NMD3: variants seen among roughly 807,000 people sequenced by gnomAD.
The protein encoded by NMD3 is NMD3 ribosome export adaptor, also known as 60S ribosomal export protein NMD3.
In NMD3, 47 loss-of-function variants were observed where a neutral mutation model predicts 73.1. That is an observed-to-expected ratio of 0.64 (90% CI 0.51 to 0.82). The LOEUF is 0.82. Among genes scored for constraint, NMD3 ranks in the 40% least tolerant of loss-of-function variants. The probability of loss-of-function intolerance (pLI) is 0.00; values close to 1 mark genes in which losing one functional copy is unlikely to be tolerated. For synonymous variants in NMD3, 210 were observed against 194.5 expected (o/e 1.08, Z -0.66); for missense variants, 554 against 612.5 (o/e 0.90, Z 1.01).
At chr3:161,221,923 G>T (rs937817180) in intron 1 of NMD3, 71 bp from the exon 2 acceptor site, 16 of 938,738 alleles carry the variant, frequency 1.7e-5, no homozygotes, top group Non-Finnish European at 2.1e-5. Context: ...GTAAAAAGAG[G>T]AGACTAGGTA....
intron 3 of NMD3, 57 bp from the exon 4 acceptor site, chr3:161,227,190 G>T: frequency 7.3e-6 from 8 of 1,089,844 alleles, no homozygotes; most frequent in Non-Finnish European, 1.1e-5. Context: ...TATTCAGATG[G>T]AAATTTCTGT....
intron 7 of NMD3, among the ~76,000 whole-genome samples, chr3:161,236,117 G>A (rs911643485): frequency 2.0e-5 from 3 of 151,616 alleles, no homozygotes; most frequent in Non-Finnish European, 2.9e-5. Flanking sequence ...ACTATAATGG[G>A]TCTGTAGCTG....
intron 7 of NMD3, among the ~76,000 whole-genome samples, chr3:161,236,630 A>C (rs1736766574): frequency 6.6e-6 from 1 of 152,114 alleles, no homozygotes; most frequent in Non-Finnish European, 1.5e-5. Flanking sequence ...TTATGCTTAA[A>C]AACTGTTTGT....
At chr3:161,232,091 G>T (rs1160483833) in intron 4 of NMD3, among the ~76,000 whole-genome samples, 1 of 151,400 alleles carries the variant, frequency 6.6e-6, no homozygotes, top group Non-Finnish European at 1.5e-5. Context: ...GCAGGTGGAG[G>T]TTGGAGCTTG....
rs552786187 is a variant in NMD3, at chr3:161,237,166, CT to C, written c.578-944del. 1.0e-2 allele frequency among the ~76,000 whole-genome samples: 1,519 copies of C among 152,170 alleles called. 30 individuals are homozygous for C. The highest frequency in any genetic ancestry group is 0.034 in the African/African-American group (1,425 of 41,528). ...CTGTTTTATGATGAGATAATGTTGTCTTTAGTAATTTCTACTGTTTAGGATT... is the reference window on the plus strand; with the variant it reads ...CTGTTTTATGATGAGATAATGTTGTCTTAGTAATTTCTACTGTTTAGGATT... On this transcript the variant is annotated intron_variant, in intron 7 of 15. Transcript: ENST00000351193.
chr3:161,228,341 A>C (rs1736404161), intron 4 of NMD3, among the ~76,000 whole-genome samples: 8 of 151,256 alleles, frequency 5.3e-5, no homozygotes. Flanking sequence ...CTGGCATAAA[A>C]CTTTGTCTTT....
chr3:161,245,433 G>A (rs987848535), intron 11 of NMD3, among the ~76,000 whole-genome samples: 2 of 151,884 alleles, frequency 1.3e-5, no homozygotes, highest in South Asian at 2.1e-4. Context: ...AGTAAATCCT[G>A]TTAAATAAAA....
At chr3:161,236,940 A>C (rs1471670213) in intron 7 of NMD3, among the ~76,000 whole-genome samples, 1 of 152,140 alleles carries the variant, frequency 6.6e-6, no homozygotes, top group African/African-American at 2.4e-5. Context: ...GTACCATGCT[A>C]TCTTGCATAC....
At position 161,225,021 on chromosome 3, in the gene NMD3, A is replaced by G. The variant is rs1038610293; in HGVS notation, c.136A>G (p.Ile46Val). Residue 46 changes from isoleucine to valine, a missense_variant, in exon 3 of 16, where the codon ATT becomes GTT. Transcript: ENST00000351193. ...AAGTAAAGTGGACATCAGCCAAGGT[A>G]TTCCGAAACAAGTCTCGATTTCGTT... ...LRSKVDISQG[I>V]PKQVSISFCK... 1.9e-6 allele frequency: 3 copies of G among 1,614,020 alleles called. No homozygotes were observed. The highest frequency in any genetic ancestry group is 2.7e-5 in the African/African-American group (2 of 74,922).
intron 5 of NMD3, among the ~76,000 whole-genome samples, chr3:161,234,214 A>G (rs1486400280): frequency 1.3e-5 from 2 of 151,998 alleles, no homozygotes; most frequent in Non-Finnish European, 2.9e-5. Flanking sequence ...CTGTGATCCC[A>G]GCACTTTGGG....
At chr3:161,242,117 A>G (rs1358858199) in intron 10 of NMD3, among the ~76,000 whole-genome samples, 1 of 152,108 alleles carries the variant, frequency 6.6e-6, no homozygotes, top group Admixed American at 6.5e-5. Flanking sequence ...ATTGGGATGG[A>G]CATTCTTTAC....
chr3:161,245,164 G>A (rs914450011), intron 11 of NMD3, among the ~76,000 whole-genome samples: 9 of 151,816 alleles, frequency 5.9e-5, no homozygotes, highest in African/African-American at 1.9e-4. Context: ...GTGTGTGTGC[G>A]TGCTAATAAT....
chr3:161,243,203 C>A (rs1274964950), intron 11 of NMD3, among the ~76,000 whole-genome samples: 3 of 151,958 alleles, frequency 2.0e-5, no homozygotes, highest in Non-Finnish European at 4.4e-5. Context: ...TACATACATA[C>A]CTATGATAGA....
intron 13 of NMD3, among the ~76,000 whole-genome samples, chr3:161,247,931 T>C (rs772481210): frequency 5.3e-5 from 8 of 151,444 alleles, no homozygotes. Flanking sequence ...TACAGGCACA[T>C]GCCACCACTC....
chr3:161,232,050 G>C (rs765720176), intron 4 of NMD3, among the ~76,000 whole-genome samples: 1 of 151,886 alleles, frequency 6.6e-6, no homozygotes, highest in Non-Finnish European at 1.5e-5. Context: ...GGGGAATGCC[G>C]AGCAGGATGT....
intron 9 of NMD3, among the ~76,000 whole-genome samples, chr3:161,240,426 C>G (rs1736921930): frequency 6.6e-6 from 1 of 151,674 alleles, no homozygotes; most frequent in Non-Finnish European, 1.5e-5. Context: ...GTTTATAATA[C>G]TCTGTTTAGA....
rs757128898 is a variant in NMD3 at position 161,238,754 on chromosome 3, C to T, written c.681C>T (p.Ile227=). 6.4e-7 allele frequency: 1 copy of T among 1,571,622 alleles called. No individual in the cohort carries two copies. Among genetic ancestry groups the T allele is most frequent in the Non-Finnish European group, 8.7e-7 (1 of 1,145,884 alleles). ...GATACAAAGCATCACAAAGACTGAT[C>T]TCTCAAGATATCCATAGTAACACAT... ...PCRYKASQRL[I]SQDIHSNTYN... is the part of the protein sequence containing the mutation. The change falls in exon 9 of 16, where the codon ATC becomes ATT. Residue 227 remains isoleucine, a synonymous_variant. Transcript: ENST00000351193.
At chr3:161,248,180 A>G (rs983746445) in intron 13 of NMD3, among the ~76,000 whole-genome samples, 1 of 151,888 alleles carries the variant, frequency 6.6e-6, no homozygotes, top group South Asian at 2.1e-4. Flanking sequence ...AAAATACCTG[A>G]TATTATCTGT....
intron 7 of NMD3, chr3:161,235,426 T>TA: frequency 3.1e-6 from 1 of 325,528 alleles, no homozygotes; most frequent in East Asian, 4.9e-5. Context: ...GAAATGTGGC[T>TA]AGAGCAACTG....
Sources: gnomAD v4.1 joint callset for allele counts (sites outside exome capture counted in the v4.1 genomes callset) on GRCh38, gnomAD v4.1.1 for gene constraint, MANE v1.5 for transcripts, NCBI Gene and HGNC (gene_info 2026-07-23, HGNC 2026-07-21) for gene names.